The following PPARGC1A variants were observed in gnomAD, a reference collection of about 807,000 sequenced individuals.
PPARGC1A encodes the protein PPARG coactivator 1 alpha.
In PPARGC1A, 25 loss-of-function variants were observed where a neutral mutation model predicts 88.7. That is an observed-to-expected ratio of 0.28 (90% CI 0.21 to 0.39). PPARGC1A has a LOEUF of 0.39. Among genes scored for constraint, PPARGC1A ranks in the 10% least tolerant of loss-of-function variants. PPARGC1A has a pLI of 1.00. For synonymous variants in PPARGC1A, 363 were observed against 355.6 expected (o/e 1.02, Z -0.24); for missense variants, 880 against 968.7 (o/e 0.91, Z 1.22).
chr4:23,958,592 T>G, the PPARGC1A span, among the ~76,000 whole-genome samples: 1 of 152,080 alleles, frequency 6.6e-6, no homozygotes, highest in South Asian at 2.1e-4. Context: ...TACAAGGGAG[T>G]TTTTCAAAAG....
the PPARGC1A span, among the ~76,000 whole-genome samples, chr4:23,992,791 T>C: frequency 1.3e-5 from 2 of 152,144 alleles, no homozygotes; most frequent in Non-Finnish European, 2.9e-5. Context: ...TCTGCTGCTC[T>C]TGTCCTCTAT....
chr4:24,370,200 T>C, the PPARGC1A span, among the ~76,000 whole-genome samples: 1 of 152,124 alleles, frequency 6.6e-6, no homozygotes, highest in African/African-American at 2.4e-5. Context: ...CCATTTAAAA[T>C]GGTAACAAAA....
the PPARGC1A span, among the ~76,000 whole-genome samples, chr4:24,042,995 G>A: frequency 1.3e-5 from 2 of 152,164 alleles, no homozygotes. Context: ...AATACCAAGA[G>A]AGTGCCTCAA....
the PPARGC1A span, among the ~76,000 whole-genome samples, chr4:24,384,345 C>G: frequency 6.6e-6 from 1 of 152,052 alleles, no homozygotes; most frequent in Non-Finnish European, 1.5e-5. Flanking sequence ...AAATAACCAG[C>G]TAACATCATA....
the PPARGC1A span, among the ~76,000 whole-genome samples, chr4:24,310,892 A>C: frequency 6.6e-6 from 1 of 152,064 alleles, no homozygotes; most frequent in Non-Finnish European, 1.5e-5. Context: ...TAAATGTTGG[A>C]ACAGACTTTG....
At chr4:24,133,070 G>A in the PPARGC1A span, among the ~76,000 whole-genome samples, 1 of 152,036 alleles carries the variant, frequency 6.6e-6, no homozygotes, top group Admixed American at 6.6e-5. Context: ...TGATATTATG[G>A]TACAAAATGG....
the PPARGC1A span, among the ~76,000 whole-genome samples, chr4:24,171,115 TTA>T: frequency 2.0e-5 from 3 of 152,130 alleles, no homozygotes; most frequent in Admixed American, 2.0e-4. Context: ...CCTGACCACC[TTA>T]TTTAAGTGTC....
chr4:23,809,211 A>G (rs1006595089), intron 10 of PPARGC1A, among the ~76,000 whole-genome samples: 11 of 152,284 alleles, frequency 7.2e-5, no homozygotes, highest in Admixed American at 7.2e-4. Flanking sequence ...AAATCATTGC[A>G]TGTATCCCTG....
chr4:24,385,120 A>T, the PPARGC1A span, among the ~76,000 whole-genome samples: 1 of 152,220 alleles, frequency 6.6e-6, no homozygotes, highest in African/African-American at 2.4e-5. Flanking sequence ...GAAACTGAAC[A>T]ACCTGCTCCC....
At chr4:23,828,347 C>A in intron 5 of PPARGC1A, 53 bp downstream of exon 5, 1 of 1,536,432 alleles carries the variant, frequency 6.5e-7, no homozygotes, top group Non-Finnish European at 9.0e-7. Context: ...TTTGCATGTG[C>A]TTTCTTTGCT....
the PPARGC1A span, among the ~76,000 whole-genome samples, chr4:23,994,763 GGCTTT>G: frequency 2.0e-5 from 3 of 152,126 alleles, no homozygotes; most frequent in Non-Finnish European, 4.4e-5. Flanking sequence ...AAATTGGTCA[GGCTTT>G]GCAGGAAGGA....
intron 2 of PPARGC1A, among the ~76,000 whole-genome samples, chr4:23,837,128 T>G (rs1726162586): frequency 6.6e-6 from 1 of 152,162 alleles, no homozygotes; most frequent in Non-Finnish European, 1.5e-5. Flanking sequence ...CACAGCTTCA[T>G]TATCTTGGCT....
the PPARGC1A span, among the ~76,000 whole-genome samples, chr4:24,097,382 C>T: frequency 9.2e-5 from 14 of 152,274 alleles, no homozygotes; most frequent in East Asian, 2.1e-3. Context: ...ATTTTGTACA[C>T]ACTTGCACTT....
At chr4:24,386,250 TAAG>T in the PPARGC1A span, among the ~76,000 whole-genome samples, 1 of 152,174 alleles carries the variant, frequency 6.6e-6, no homozygotes, top group East Asian at 1.9e-4. Context: ...CTCAAAATAA[TAAG>T]AACTATTTAT....
the PPARGC1A span, among the ~76,000 whole-genome samples, chr4:24,016,351 G>A: frequency 7.9e-5 from 12 of 152,138 alleles, no homozygotes; most frequent in Non-Finnish European, 1.2e-4. Flanking sequence ...TGAACCAATC[G>A]GCCAAATCTA....
chr4:24,068,095 G>T, the PPARGC1A span, among the ~76,000 whole-genome samples: 3 of 152,190 alleles, frequency 2.0e-5, no homozygotes, highest in African/African-American at 7.2e-5. Context: ...GCTAGGCACA[G>T]ACCATGTGGT....
chr4:23,856,696 C>T (rs1304752161), intron 2 of PPARGC1A, among the ~76,000 whole-genome samples: 1 of 152,100 alleles, frequency 6.6e-6, no homozygotes, highest in Non-Finnish European at 1.5e-5. Flanking sequence ...ATGCAAGATA[C>T]AGTGGCCTAT....
chr4:24,170,367 T>C, the PPARGC1A span, among the ~76,000 whole-genome samples: 1 of 152,228 alleles, frequency 6.6e-6, no homozygotes, highest in Non-Finnish European at 1.5e-5. Context: ...ATTAATGTAC[T>C]ATAAAGTATC....
At chr4:23,817,911 T>C (rs565684754) in intron 7 of PPARGC1A, among the ~76,000 whole-genome samples, 16 of 152,228 alleles carry the variant, frequency 1.1e-4, no homozygotes, top group East Asian at 5.8e-4. Flanking sequence ...TCTTTGAACA[T>C]AGTGTTAAAC....
Sources: gnomAD v4.1 joint callset for allele counts (sites outside exome capture counted in the v4.1 genomes callset) on GRCh38, gnomAD v4.1.1 for gene constraint, MANE v1.5 for transcripts, NCBI Gene and HGNC (gene_info 2026-07-23, HGNC 2026-07-21) for gene names.